SNTG1: variants seen among roughly 807,000 people sequenced by gnomAD.
SNTG1 encodes the protein gamma-1-syntrophin.
A neutral mutation model predicts 74.7 loss-of-function variants in SNTG1; 39 were observed. The observed-to-expected ratio is 0.52, with a 90% confidence interval of 0.40 to 0.68. The LOEUF is 0.68. Among genes scored for constraint, SNTG1 ranks in the 30% least tolerant of loss-of-function variants. The pLI, the probability that SNTG1 is intolerant of heterozygous loss-of-function variation, is 0.00. For synonymous variants in SNTG1, 254 were observed against 217.1 expected (o/e 1.17, Z -1.49); for missense variants, 685 against 609.5 (o/e 1.12, Z -1.30).
chr8:50,486,621 T>TCCTAATTGAATAC (rs2093797172), intron 8 of SNTG1, among the ~76,000 whole-genome samples: 1 of 144,352 alleles, frequency 6.9e-6, no homozygotes, highest in Non-Finnish European at 1.5e-5. Context: ...CTTCCTCTTT[T>TCCTAATTGAATAC]CCTAATTGAA....
In SNTG1 at chr8:49,998,893, A is replaced by G. The variant is rs191091505; in HGVS notation, c.-103+86662A>G. 2.7e-3 allele frequency among the ~76,000 whole-genome samples: 405 copies of G among 152,288 alleles called. 2 individuals are homozygous for G. Among genetic ancestry groups the G allele is most frequent in the African/African-American group, 9.3e-3 (385 of 41,562 alleles). ...ATATAAACCAGTAGCATAGTCATTT[A>G]TTATCATTATCCAGTATTATGTACT... On this transcript the variant is annotated intron_variant, in intron 1 of 18. Coordinates refer to ENST00000642720, the MANE Select transcript of SNTG1 (RefSeq NM_018967.5).
At chr8:50,311,259 T>G (rs972898703) in intron 2 of SNTG1, among the ~76,000 whole-genome samples, 4 of 152,210 alleles carry the variant, frequency 2.6e-5, no homozygotes, top group Non-Finnish European at 5.9e-5. Flanking sequence ...CCTGAATAAT[T>G]GGATACCTCT....
At chr8:50,738,425 GA>G (rs1331555430) in intron 17 of SNTG1, among the ~76,000 whole-genome samples, 1 of 152,024 alleles carries the variant, frequency 6.6e-6, no homozygotes, top group East Asian at 1.9e-4. Flanking sequence ...CAAACAAATG[GA>G]AAAACATCCA....
chr8:50,699,474 A>C (rs1184773408), intron 15 of SNTG1, among the ~76,000 whole-genome samples: 1 of 152,130 alleles, frequency 6.6e-6, no homozygotes, highest in African/African-American at 2.4e-5. Flanking sequence ...TTCTAAGTGG[A>C]TGAAGTACCC....
chr8:50,103,337 T>A (rs565756138), intron 1 of SNTG1, among the ~76,000 whole-genome samples: 65 of 152,328 alleles, frequency 4.3e-4, no homozygotes, highest in African/African-American at 1.4e-3. Context: ...GAATAGGAGT[T>A]CACTCATGAT....
At chr8:50,382,596 AT>A (rs1191075527) in intron 2 of SNTG1, among the ~76,000 whole-genome samples, 2 of 152,168 alleles carry the variant, frequency 1.3e-5, no homozygotes, top group Non-Finnish European at 2.9e-5. Flanking sequence ...GATTGACAGT[AT>A]TTTTTTCTAG....
intron 8 of SNTG1, among the ~76,000 whole-genome samples, chr8:50,469,422 T>A (rs545450605): frequency 1.3e-5 from 2 of 152,156 alleles, no homozygotes; most frequent in Non-Finnish European, 2.9e-5. Flanking sequence ...GCAGTCAGGT[T>A]CTGCCAGCAT....
intron 13 of SNTG1, among the ~76,000 whole-genome samples, chr8:50,618,020 G>A (rs1009800189): frequency 1.3e-5 from 2 of 152,036 alleles, no homozygotes; most frequent in Non-Finnish European, 2.9e-5. Flanking sequence ...AAGAAAGTCT[G>A]GCAGACAGCA....
chr8:50,102,169 C>T (rs2080157537), intron 1 of SNTG1, among the ~76,000 whole-genome samples: 1 of 147,002 alleles, frequency 6.8e-6, no homozygotes, highest in South Asian at 2.2e-4. Flanking sequence ...GTTTACAGTC[C>T]CACCAACAGT....
At chr8:50,457,761 G>T (rs1166169934) in intron 8 of SNTG1, 1 of 152,302 alleles carries the variant, frequency 6.6e-6, no homozygotes, top group Non-Finnish European at 1.5e-5. Flanking sequence ...GAATGGGAGT[G>T]TTGAAAGGAA....
chr8:50,711,940 C>A, intron 17 of SNTG1, among the ~76,000 whole-genome samples: 1 of 152,128 alleles, frequency 6.6e-6, no homozygotes, highest in East Asian at 1.9e-4. Context: ...ATAATGTTAA[C>A]CATACTTAAA....
chr8:50,669,636 T>A (rs1170477460), intron 15 of SNTG1, among the ~76,000 whole-genome samples: 1 of 152,162 alleles, frequency 6.6e-6, no homozygotes, highest in African/African-American at 2.4e-5. Flanking sequence ...GTACCATTCC[T>A]TCTGAAACTA....
chr8:50,197,813 G>C (rs1045759462), intron 2 of SNTG1, among the ~76,000 whole-genome samples: 20 of 152,082 alleles, frequency 1.3e-4, no homozygotes, highest in African/African-American at 4.8e-4. Flanking sequence ...ACATGTCCTA[G>C]TACCGTCTTC....
At chr8:50,099,380 T>C (rs2080042169) in intron 1 of SNTG1, among the ~76,000 whole-genome samples, 1 of 152,090 alleles carries the variant, frequency 6.6e-6, no homozygotes, top group Non-Finnish European at 1.5e-5. Context: ...TTCAAGAACA[T>C]TGATTAGAAA....
At chr8:50,126,927 G>C (rs550368100) in intron 1 of SNTG1, among the ~76,000 whole-genome samples, 1 of 152,222 alleles carries the variant, frequency 6.6e-6, no homozygotes, top group South Asian at 2.1e-4. Flanking sequence ...TTTTCCTCAG[G>C]AGCATACAAT....
intron 18 of SNTG1, among the ~76,000 whole-genome samples, chr8:50,772,968 G>A (rs1292558653): frequency 1.3e-5 from 2 of 152,090 alleles, no homozygotes; most frequent in Non-Finnish European, 2.9e-5. Context: ...AGGTGAAACA[G>A]CCTGAAACCT....
At chr8:50,229,800 C>T (rs370548562) in intron 2 of SNTG1, among the ~76,000 whole-genome samples, 34 of 151,292 alleles carry the variant, frequency 2.2e-4, no homozygotes, top group African/African-American at 7.7e-4. Context: ...CAGCTTATGT[C>T]GAACATTCAT....
chr8:50,038,556 T>C (rs1429131659), intron 1 of SNTG1, among the ~76,000 whole-genome samples: 1 of 152,182 alleles, frequency 6.6e-6, no homozygotes, highest in Admixed American at 6.5e-5. Context: ...GCCACATTGA[T>C]TTAGATCATT....
intron 1 of SNTG1, among the ~76,000 whole-genome samples, chr8:50,075,956 A>G (rs1325596684): frequency 2.6e-5 from 4 of 152,192 alleles, no homozygotes; most frequent in East Asian, 1.9e-4. Flanking sequence ...ACTCACCACA[A>G]GGGTCTGCAG....
Sources: gnomAD v4.1 joint callset for allele counts (sites outside exome capture counted in the v4.1 genomes callset) on GRCh38, gnomAD v4.1.1 for gene constraint, MANE v1.5 for transcripts, NCBI Gene and HGNC (gene_info 2026-07-23, HGNC 2026-07-21) for gene names.